ACSBG2: variants seen among roughly 807,000 people sequenced by gnomAD.
ACSBG2 encodes the protein acyl-CoA synthetase bubblegum family member 2.
In ACSBG2, 62 loss-of-function variants were observed where a neutral mutation model predicts 74.7. The ratio of observed to expected loss-of-function variants is 0.83; its 90% CI spans 0.68 to 1.03. The LOEUF (loss-of-function observed/expected upper bound fraction) is 1.03, where lower values mean the gene tolerates loss of function less well. ACSBG2 is among the 50% of genes least tolerant of loss of function. The probability of loss-of-function intolerance (pLI) is 0.00; values close to 1 mark genes in which losing one functional copy is unlikely to be tolerated. For missense variants in ACSBG2, 730 were observed against 817.6 expected (o/e 0.89, Z 1.31); for synonymous variants, 309 against 294.1 (o/e 1.05, Z -0.52).
intron 10 of ACSBG2, among the ~76,000 whole-genome samples, chr19:6,184,484 G>A (rs1032709708): frequency 6.6e-6 from 1 of 151,870 alleles, no homozygotes; most frequent in African/African-American, 2.4e-5. Flanking sequence ...TTGCTAACCA[G>A]GGGAATACCT....
rs199556723 is a variant in ACSBG2 at position 6,158,060 on chromosome 19, C to T, written c.507+1509C>T. Reference sequence around the variant, plus strand: ...TTTGGTTACAATTTTCTTTTTTTTTCTTTTTTTTTTTTTGAGACAGAGTCT... The same window carrying T: ...TTTGGTTACAATTTTCTTTTTTTTTTTTTTTTTTTTTTTGAGACAGAGTCT... On this transcript the variant is annotated intron_variant, in intron 5 of 14. Coordinates refer to ENST00000588485, the MANE Select transcript of ACSBG2 (RefSeq NM_030924.5). 4.3e-4 allele frequency among the ~76,000 whole-genome samples: 57 copies of T among 132,428 alleles called. 1 individual carries two copies. Among genetic ancestry groups the T allele is most frequent in the South Asian group, 2.9e-3 (12 of 4,208 alleles). The allele number at this position is 132,428 out of a possible 152,430, so 86.9% of individuals were successfully genotyped here. A position where few individuals can be genotyped will look rare whatever the true frequency, so the allele number is the denominator to read the frequency against.
intron 1 of ACSBG2, among the ~76,000 whole-genome samples, chr19:6,140,678 C>G (rs1030212989): frequency 5.3e-5 from 8 of 152,234 alleles, no homozygotes; most frequent in Admixed American, 4.6e-4. Flanking sequence ...AAACCAAACC[C>G]CATGTGATCT....
chr19:6,187,531 T>C, intron 12 of ACSBG2, 68 bp from the exon 13 acceptor site: 1 of 1,606,050 alleles, frequency 6.2e-7, no homozygotes, highest in Non-Finnish European at 8.5e-7. Flanking sequence ...ACCCACTTCT[T>C]GGTCTGTGGG....
chr19:6,190,080 G>A (rs1301969058), intron 13 of ACSBG2: 4 of 157,758 alleles, frequency 2.5e-5, no homozygotes, highest in African/African-American at 9.6e-5. Context: ...TCATCTATAA[G>A]TTGAAAACAC....
At position 6,183,227 on chromosome 19, in the gene ACSBG2, C is replaced by G. The variant is rs776228985; in HGVS notation, c.1277C>G (p.Ser426Trp). The G allele has an allele frequency of 6.2e-7, 1 of 1,613,982 alleles. No individual in the cohort carries two copies. Among genetic ancestry groups the G allele is most frequent in the Non-Finnish European group, 8.5e-7 (1 of 1,179,992 alleles). ...GAGTTGTATGGGTTGAGTGAGAGCT[C>G]GGGACCCCACACGATATCCAACCAG... ...IGELYGLSESSGPHTISNQNN... is the reference protein window; with the variant it reads ...IGELYGLSESWGPHTISNQNN... Residue 426 changes from serine (S) to tryptophan (W), a missense_variant, in exon 10 of 15, where the codon TCG becomes TGG. Ser to Trp is a radical substitution (Grantham distance 177). Transcript: ENST00000588485.
chr19:6,177,590 C>T (rs1177631677), intron 8 of ACSBG2, among the ~76,000 whole-genome samples, 194 bp downstream of exon 8: 2 of 152,188 alleles, frequency 1.3e-5, no homozygotes, highest in African/African-American at 2.4e-5. Flanking sequence ...TCTGTAATCC[C>T]GGCACTCTGG....
At chr19:6,187,187 T>G in intron 11 of ACSBG2, 96 bp from the exon 12 acceptor site, 1 of 1,535,098 alleles carries the variant, frequency 6.5e-7, no homozygotes, top group Non-Finnish European at 8.9e-7. Flanking sequence ...GTATATTTAG[T>G]AGAGACGGGG....
chr19:6,173,452 T>C (rs574730345), intron 7 of ACSBG2, among the ~76,000 whole-genome samples: 2 of 152,264 alleles, frequency 1.3e-5, no homozygotes, highest in South Asian at 4.1e-4. Flanking sequence ...GGTGTTGGCC[T>C]GGGTTGCAAG....
intron 6 of ACSBG2, among the ~76,000 whole-genome samples, chr19:6,162,967 G>A (rs1191135687): frequency 6.6e-6 from 1 of 151,938 alleles, no homozygotes; most frequent in Admixed American, 6.6e-5. Flanking sequence ...TCCTCTGCAA[G>A]GGAGAGTAGA....
At chr19:6,169,033 C>T (rs2089893519) in intron 7 of ACSBG2, among the ~76,000 whole-genome samples, 1 of 152,214 alleles carries the variant, frequency 6.6e-6, no homozygotes, top group African/African-American at 2.4e-5. Flanking sequence ...CCCACCTCAG[C>T]CTCCCAAAGT....
chr19:6,166,280 T>TGTGTGTTTGTGTGTGTGTGTG lies in ACSBG2; in HGVS notation c.738+265_738+266insGTGTGTTTGTGTGTGTGTGTG, dbSNP rs2089799967. On this transcript the variant is annotated intron_variant, in intron 7 of 14. Transcript: ENST00000588485. ...GATTCCTCTGTGTGAGTCAGGAAGGTTGTGTGTGTGTGTGTGTGTGTGTGT... is the reference window on the plus strand; with the variant it reads ...GATTCCTCTGTGTGAGTCAGGAAGGTGTGTGTTTGTGTGTGTGTGTGTGTGTGTGTGTGTGTGTGTGTGTGT... 1.4e-3 allele frequency among the ~76,000 whole-genome samples: 168 copies of TGTGTGTTTGTGTGTGTGTGTG among 119,146 alleles called. 2 individuals are homozygous for TGTGTGTTTGTGTGTGTGTGTG. Among genetic ancestry groups the TGTGTGTTTGTGTGTGTGTGTG allele is most frequent in the African/African-American group, 6.1e-3 (162 of 26,574 alleles). The allele number at this position is 119,146 out of a possible 152,430, so 78.2% of individuals were successfully genotyped here. A position where few individuals can be genotyped will look rare whatever the true frequency, so the allele number is the denominator to read the frequency against.
At chr19:6,187,258 T>C (rs1439463866) in intron 11 of ACSBG2, 25 bp from the exon 12 acceptor site, 3 of 1,613,766 alleles carry the variant, frequency 1.9e-6, no homozygotes, top group Non-Finnish European at 2.5e-6. Flanking sequence ...TGGCTGGACA[T>C]GTACCAAGCC....
At chr19:6,146,208 G>A (rs534051631) in intron 2 of ACSBG2, among the ~76,000 whole-genome samples, 1 of 152,234 alleles carries the variant, frequency 6.6e-6, no homozygotes, top group East Asian at 1.9e-4. Context: ...GGTGGCTCAT[G>A]CCTGTAATCC....
rs1485458311 is a variant in ACSBG2 at position 6,180,641 on chromosome 19, T to C, written c.907-2110T>C. Among the ~76,000 whole-genome samples, 1 of 152,228 alleles carries C rather than the reference T, an allele frequency of 6.6e-6. No homozygotes were observed. The highest frequency in any genetic ancestry group is 1.5e-5 in the Non-Finnish European group (1 of 68,044). On this transcript the variant is annotated intron_variant, in intron 8 of 14. Coordinates refer to ENST00000588485, the MANE Select transcript of ACSBG2 (RefSeq NM_030924.5). The surrounding 1 kb of genome is among the most constrained non-coding windows in gnomAD (Gnocchi z 4.3). ...AAAAGTGTCTTAATATTTTCAGAAA[T>C]TTCCAGATTGTTTTCTGAAGTACGT...
chr19:6,141,308 A>T lies in ACSBG2; in HGVS notation c.-31-205A>T, dbSNP rs148524630. ...AACAATTTAAGAGACTCTTCTGTAA[A>T]CTCACAGATTGAATACCCTCTGGGT... is the stretch of plus-strand genomic sequence containing the variant. On this transcript the variant is annotated intron_variant, in intron 1 of 14. Transcript: ENST00000588485. Among the ~76,000 whole-genome samples the T allele has an allele frequency of 1.1e-3, 170 of 151,898 alleles. 1 individual carries two copies. Among genetic ancestry groups the T allele is most frequent in the African/African-American group, 4.0e-3 (166 of 41,394 alleles).
intron 5 of ACSBG2, among the ~76,000 whole-genome samples, chr19:6,158,066 T>A (rs925343092): frequency 9.7e-4 from 147 of 151,434 alleles, no homozygotes; most frequent in Non-Finnish European, 1.5e-3. Context: ...TTTTCTTTTT[T>A]TTTTTTTGAG....
At position 6,187,389 on chromosome 19, in the gene ACSBG2, A is replaced by G. The variant is rs368816112; in HGVS notation, c.1647A>G (p.Lys549=). 1 of 1,614,124 alleles carries G rather than the reference A, an allele frequency of 6.2e-7. No individual in the cohort carries two copies. The highest frequency in any genetic ancestry group is 1.7e-5 in the Admixed American group (1 of 60,000). ...GTAACGCCATGTTAGTAGGAGATAA[A>G]CTGAAGTTTCTGAGCATGTTGCTGA... ...IISNAMLVGD[K]LKFLSMLLTL... The change falls in exon 12 of 15, where the codon AAA becomes AAG. Residue 549 remains lysine (K), a synonymous_variant. Coordinates refer to ENST00000588485, the MANE Select transcript of ACSBG2 (RefSeq NM_030924.5).
intron 4 of ACSBG2, among the ~76,000 whole-genome samples, chr19:6,153,954 AAGAG>A (rs1399233190): frequency 1.3e-5 from 2 of 151,948 alleles, no homozygotes; most frequent in Non-Finnish European, 2.9e-5. Context: ...GAAAAGAGAA[AAGAG>A]AGAGAAAAAA....
rs528007974 is a variant in ACSBG2, at chr19:6,135,748, G to A, written c.-193G>A. The A allele has an allele frequency of 6.6e-6, 1 of 152,488 alleles. No individual in the cohort carries two copies. Among genetic ancestry groups the A allele is most frequent in the South Asian group, 2.1e-4 (1 of 4,826 alleles). 9.4% of individuals were successfully genotyped at this position (152,488 alleles called of 1,614,324 possible). ...ACCACCATCATCCTGGCTGGACGGA[G>A]AGGGTGACGGGGGCTGGGAAGGGGC... On this transcript the variant is annotated 5_prime_UTR_variant, in exon 1 of 15. Coordinates refer to ENST00000588485, the MANE Select transcript of ACSBG2 (RefSeq NM_030924.5).
Sources: gnomAD v4.1 joint callset for allele counts (sites outside exome capture counted in the v4.1 genomes callset) on GRCh38, gnomAD v4.1.1 for gene constraint, Gnocchi (gnomAD v3.1) non-coding constraint, MANE v1.5 for transcripts, NCBI Gene and HGNC (gene_info 2026-07-23, HGNC 2026-07-21) for gene names.